ADGRV1: variants seen among roughly 807,000 people sequenced by gnomAD.
ADGRV1 encodes G-protein coupled receptor 98.
ADGRV1 carries 359 observed loss-of-function variants against 596.2 expected under a neutral mutation model. The ratio of observed to expected loss-of-function variants is 0.60; its 90% CI spans 0.55 to 0.66. The LOEUF is 0.66. ADGRV1 is among the 30% of genes least tolerant of loss of function. The probability of loss-of-function intolerance (pLI) is 0.00; values close to 1 mark genes in which losing one functional copy is unlikely to be tolerated. For synonymous variants in ADGRV1, 2,681 were observed against 2,679.2 expected (o/e 1.00, Z -0.02); for missense variants, 7,274 against 7,575.6 (o/e 0.96, Z 1.48).
chr5:90,761,993 C>T (rs1485887585), intron 58 of ADGRV1, among the ~76,000 whole-genome samples: 4 of 152,104 alleles, frequency 2.6e-5, no homozygotes, highest in Non-Finnish European at 4.4e-5. Flanking sequence ...TTCGGTGACA[C>T]AGATTAGATT....
intron 1 of ADGRV1, among the ~76,000 whole-genome samples, chr5:90,580,094 G>A (rs1757797691): frequency 6.6e-6 from 1 of 152,086 alleles, no homozygotes; most frequent in African/African-American, 2.4e-5. Context: ...TTTAATTGGG[G>A]CATTTAACCC....
intron 83 of ADGRV1, among the ~76,000 whole-genome samples, chr5:90,959,258 T>G (rs1189479916): frequency 6.6e-6 from 1 of 151,818 alleles, no homozygotes; most frequent in African/African-American, 2.4e-5. Context: ...ATCAAACATA[T>G]AAAAGAATTA....
intron 85 of ADGRV1, among the ~76,000 whole-genome samples, chr5:90,998,448 G>T (rs189510515): frequency 3.9e-5 from 6 of 151,972 alleles, no homozygotes; most frequent in African/African-American, 9.7e-5. Flanking sequence ...CCCTGTATCG[G>T]TATGTAATAC....
Position 90,651,588 on chromosome 5 carries a change from T to C in ADGRV1, c.3290-16T>C. On this transcript the variant is annotated splice_polypyrimidine_tract_variant and intron_variant, in intron 17 of 89. Transcript: ENST00000405460. ...GCTACTTCTTTGTTATTTTGTCTTT[T>C]CCACTTTTAATTTAGGTGATACAGT... 1 of 1,451,688 alleles carries C rather than the reference T, an allele frequency of 6.9e-7. No individual in the cohort carries two copies. Among genetic ancestry groups the C allele is most frequent in the Non-Finnish European group, 9.3e-7 (1 of 1,071,440 alleles). The allele number at this position is 1,451,688 out of a possible 1,614,324, so 89.9% of individuals were successfully genotyped here.
At chr5:90,844,219 C>G (rs1447271128) in intron 78 of ADGRV1, among the ~76,000 whole-genome samples, 2 of 152,104 alleles carry the variant, frequency 1.3e-5, no homozygotes. Flanking sequence ...ATAGAACTTC[C>G]AAGTACTGGA....
At chr5:90,924,515 G>T (rs554516762) in intron 83 of ADGRV1, among the ~76,000 whole-genome samples, 236 of 150,762 alleles carry the variant, frequency 1.6e-3, no homozygotes, top group African/African-American at 5.6e-3. Context: ...TGAGTTCATT[G>T]TAGATTCTGG....
At chr5:90,626,556 A>C (rs1764785824) in intron 6 of ADGRV1, 2 of 152,144 alleles carry the variant, frequency 1.3e-5, no homozygotes, top group Non-Finnish European at 2.9e-5. Flanking sequence ...AGCACAGTGG[A>C]GATTAACCCC....
chr5:90,961,198 C>T (rs1281075813), intron 83 of ADGRV1, among the ~76,000 whole-genome samples: 3 of 152,006 alleles, frequency 2.0e-5, no homozygotes, highest in African/African-American at 7.2e-5. Context: ...TGAGCTGGTC[C>T]TTTAAAAACT....
At chr5:90,771,832 G>A (rs1296352865) in intron 59 of ADGRV1, among the ~76,000 whole-genome samples, 5 of 152,154 alleles carry the variant, frequency 3.3e-5, no homozygotes. Flanking sequence ...ATTGAGCTAA[G>A]TAGGCTCTTT....
chr5:91,129,890 A>G (rs1321114786), intron 87 of ADGRV1, among the ~76,000 whole-genome samples: 1 of 152,230 alleles, frequency 6.6e-6, no homozygotes, highest in African/African-American at 2.4e-5. Context: ...GAGAGAACAC[A>G]GATCTCCATT....
intron 83 of ADGRV1, among the ~76,000 whole-genome samples, chr5:90,864,397 A>G (rs1315632842): frequency 2.0e-5 from 3 of 152,232 alleles, no homozygotes; most frequent in African/African-American, 7.2e-5. Flanking sequence ...TGTAAAGCAC[A>G]GAAACCAGAA....
chr5:90,715,644 GGTCT>G (rs1749991875), intron 42 of ADGRV1, among the ~76,000 whole-genome samples: 1 of 111,774 alleles, frequency 8.9e-6, no homozygotes, highest in African/African-American at 4.0e-5. Flanking sequence ...TTGTGAATAA[GGTCT>G]ACTTTTCTTT....
chr5:90,900,826 T>C (rs1771769712), intron 83 of ADGRV1, among the ~76,000 whole-genome samples: 1 of 152,138 alleles, frequency 6.6e-6, no homozygotes, highest in Non-Finnish European at 1.5e-5. Context: ...GCAATGCTTT[T>C]CTTTTAAAAG....
chr5:90,900,657 A>G (rs557278248), intron 83 of ADGRV1, among the ~76,000 whole-genome samples: 128 of 152,158 alleles, frequency 8.4e-4, no homozygotes, highest in Non-Finnish European at 1.5e-3. Context: ...GCTAAGGAGC[A>G]TCTGCCTCTT....
intron 1 of ADGRV1, among the ~76,000 whole-genome samples, chr5:90,608,916 C>A (rs1158881213): frequency 1.3e-5 from 2 of 152,062 alleles, no homozygotes; most frequent in African/African-American, 4.8e-5. Context: ...GTCAACTATT[C>A]CCCAAGAGTG....
intron 87 of ADGRV1, among the ~76,000 whole-genome samples, chr5:91,121,030 C>T (rs1191631701): frequency 1.3e-5 from 2 of 152,020 alleles, no homozygotes; most frequent in Non-Finnish European, 2.9e-5. Context: ...AAAAATTAGC[C>T]TGGCATGGTA....
At chr5:90,750,818 A>G (rs1755163954) in intron 53 of ADGRV1, 121 bp downstream of exon 53, 2 of 658,248 alleles carry the variant, frequency 3.0e-6, no homozygotes, top group Non-Finnish European at 5.2e-6. Flanking sequence ...CTGAATTCCT[A>G]CTAATCATTG....
chr5:90,866,601 AGCATAGCAAATACACATTTGTG>A (rs1440544932), intron 83 of ADGRV1, among the ~76,000 whole-genome samples: 1 of 152,092 alleles, frequency 6.6e-6, no homozygotes, highest in East Asian at 1.9e-4. Context: ...GGGTATTTGC[AGCATAGCAAATACACATTTGTG>A]GTGTCCTACC....
At chr5:90,842,888 T>G (rs1463104612) in intron 78 of ADGRV1, among the ~76,000 whole-genome samples, 1 of 152,152 alleles carries the variant, frequency 6.6e-6, no homozygotes, top group Non-Finnish European at 1.5e-5. Context: ...AATTCCTTTT[T>G]TATATGTACA....
Sources: allele counts gnomAD v4.1 joint callset (sites outside exome capture counted in the v4.1 genomes callset), GRCh38; gene constraint gnomAD v4.1.1; transcripts MANE v1.5; gene names NCBI Gene and HGNC (gene_info 2026-07-23, HGNC 2026-07-21).